ELP4: variants seen among roughly 807,000 people sequenced by gnomAD.
ELP4 encodes the protein elongator complex protein 4.
ELP4 carries 51 observed loss-of-function variants against 48.9 expected under a neutral mutation model. The ratio of observed to expected loss-of-function variants is 1.04; its 90% CI spans 0.83 to 1.32. The LOEUF (loss-of-function observed/expected upper bound fraction) is 1.32. ELP4 is among the 40% of genes most tolerant of loss of function. ELP4 has a pLI of 0.00. For synonymous variants in ELP4, 210 were observed against 189.2 expected, an observed-to-expected ratio of 1.11 and a Z score of -0.90; for missense variants, 519 against 514.6, an observed-to-expected ratio of 1.01 and a Z score of -0.08.
chr11:31,549,883 A>T (rs2133925647), intron 3 of ELP4, among the ~76,000 whole-genome samples: 1 of 152,330 alleles, frequency 6.6e-6, no homozygotes, highest in East Asian at 1.9e-4. Flanking sequence ...AATCTATCGC[A>T]AGAACAAAAA....
chr11:31,544,430 C>T lies in ELP4; in HGVS notation c.381+4647C>T, dbSNP rs371389309. On this transcript the variant is annotated intron_variant, in intron 3 of 9. Transcript: ENST00000640961. Reference sequence around the variant, plus strand: ...AGCAGTCTGAGATCAAACTGCAAGGCGGCAGTGAGGCTGGGGGAGGGGTGC... The same window carrying T: ...AGCAGTCTGAGATCAAACTGCAAGGTGGCAGTGAGGCTGGGGGAGGGGTGC... 1.9e-3 allele frequency among the ~76,000 whole-genome samples: 292 copies of T among 152,192 alleles called. 4 individuals are homozygous for T. The East Asian group carries it at 0.027, about 14-fold the overall frequency.
intron 9 of ELP4, among the ~76,000 whole-genome samples, chr11:31,712,333 A>G (rs1449800261): frequency 6.6e-6 from 1 of 152,108 alleles, no homozygotes; most frequent in Non-Finnish European, 1.5e-5. Flanking sequence ...TGAAATAAAA[A>G]AGAACCTGTG....
At chr11:31,621,451 A>G (rs1271791965) in intron 5 of ELP4, among the ~76,000 whole-genome samples, 5 of 151,902 alleles carry the variant, frequency 3.3e-5, no homozygotes, top group African/African-American at 1.2e-4. Context: ...GTCAGAATGG[A>G]CAACATAGAT....
intron 2 of ELP4, among the ~76,000 whole-genome samples, chr11:31,522,272 A>G: frequency 6.6e-6 from 1 of 152,302 alleles, no homozygotes; most frequent in East Asian, 1.9e-4. Flanking sequence ...TGTTTGGTAT[A>G]AATACATAAA....
rs1215733651 is a variant in ELP4 at position 31,509,817 on chromosome 11, C to T, written c.33C>T (p.Ala11=). The T allele has an allele frequency of 1.2e-6, 2 of 1,614,120 alleles. No homozygotes were observed. Among genetic ancestry groups the T allele is most frequent in the Non-Finnish European group, 1.7e-6 (2 of 1,180,026 alleles). MAAVATCGSV[A]ASTGSAVATA... is the part of the protein sequence containing the mutation. ...CAGTGGCAACCTGCGGTAGTGTTGC[C>T]GCGAGTACTGGGTCTGCAGTGGCGA... Residue 11 remains alanine, a synonymous_variant, in exon 1 of 10, where the codon GCC becomes GCT. Coordinates refer to ENST00000640961, the MANE Select transcript of ELP4 (RefSeq NM_019040.5).
At chr11:31,743,458 C>G (rs1947505632) in intron 9 of ELP4, among the ~76,000 whole-genome samples, 1 of 152,142 alleles carries the variant, frequency 6.6e-6, no homozygotes, top group African/African-American at 2.4e-5. Flanking sequence ...TTTTCAGCAC[C>G]ACACCACACC....
At chr11:31,714,734 C>G (rs1946805759) in intron 9 of ELP4, 1 of 398,590 alleles carries the variant, frequency 2.5e-6, no homozygotes, top group Non-Finnish European at 4.4e-6. Context: ...GCCTGCATTC[C>G]TTGGCTCATG....
intron 9 of ELP4, among the ~76,000 whole-genome samples, chr11:31,665,956 A>G (rs1036953926): frequency 3.7e-4 from 56 of 150,782 alleles, no homozygotes; most frequent in African/African-American, 1.3e-3. Flanking sequence ...TGCCCAGCCT[A>G]ATTCTCTCAC....
chr11:31,611,684 A>G (rs1380253757), intron 5 of ELP4, among the ~76,000 whole-genome samples: 3 of 152,372 alleles, frequency 2.0e-5, no homozygotes, highest in East Asian at 1.9e-4. Context: ...AGCACCTGCT[A>G]TGAGCCCAGC....
intron 9 of ELP4, among the ~76,000 whole-genome samples, chr11:31,686,097 A>G (rs1946154628): frequency 1.3e-5 from 2 of 152,062 alleles, no homozygotes; most frequent in South Asian, 4.1e-4. Context: ...TGTAGGCTTT[A>G]TGACTTAGTC....
chr11:31,605,627 G>A (rs552367882), intron 5 of ELP4, among the ~76,000 whole-genome samples: 2 of 152,028 alleles, frequency 1.3e-5, no homozygotes, highest in South Asian at 4.2e-4. Flanking sequence ...TTACTTTTGT[G>A]ATTTAAAAAA....
chr11:31,601,564 T>C (rs1025774099), intron 4 of ELP4, among the ~76,000 whole-genome samples: 5 of 152,162 alleles, frequency 3.3e-5, no homozygotes, highest in Admixed American at 3.3e-4. Flanking sequence ...ATCTGAGATT[T>C]CTATCACATT....
In ELP4 at chr11:31,788,845, G is replaced by C. The variant is rs1948930303; in HGVS notation, c.*5321G>C. On this transcript the variant is annotated 3_prime_UTR_variant, in exon 10 of 10. Coordinates refer to ENST00000640961, the MANE Select transcript of ELP4 (RefSeq NM_019040.5). ...CATCAGGATGTAAAACAGAGTGTGTGTGAAAGTAACCATTGGTTTAGAATG... is the reference window on the plus strand; with the variant it reads ...CATCAGGATGTAAAACAGAGTGTGTCTGAAAGTAACCATTGGTTTAGAATG... 2 of 204,124 alleles carry C rather than the reference G, an allele frequency of 9.8e-6. No individual in the cohort carries two copies. The highest frequency in any genetic ancestry group is 4.6e-5 in the African/African-American group (2 of 43,788). The allele number at this position is 204,124 out of a possible 1,614,324, so 12.6% of individuals were successfully genotyped here. A position where few individuals can be genotyped will look rare whatever the true frequency, so the allele number is the denominator to read the frequency against.
intron 5 of ELP4, among the ~76,000 whole-genome samples, chr11:31,625,477 A>G (rs558432325): frequency 6.6e-6 from 1 of 151,966 alleles, no homozygotes; most frequent in East Asian, 1.9e-4. Context: ...TTTAACCTTC[A>G]AACAGAAATC....
intron 9 of ELP4, among the ~76,000 whole-genome samples, chr11:31,737,462 G>T (rs1331779110): frequency 6.6e-6 from 1 of 151,434 alleles, no homozygotes; most frequent in Non-Finnish European, 1.5e-5. Flanking sequence ...AAAACTTAAA[G>T]TATAATAATA....
chr11:31,738,232 C>CAA lies in ELP4; in HGVS notation c.1144-45137_1144-45136dup, dbSNP rs57817538. Among the ~76,000 whole-genome samples, 386 of 53,664 alleles carry CAA rather than the reference C, an allele frequency of 7.2e-3. 5 individuals are homozygous for CAA. The highest frequency in any genetic ancestry group is 0.025 in the African/African-American group (335 of 13,592). The allele number at this position is 53,664 out of a possible 152,430, so 35.2% of individuals were successfully genotyped here. Reference sequence around the variant, plus strand: ...CAACATGGCAAAACCCCATCTCTACCAAAAAAAAAAAAAAAAAAAAAAAAA... The same window carrying CAA: ...CAACATGGCAAAACCCCATCTCTACCAAAAAAAAAAAAAAAAAAAAAAAAAAA... On this transcript the variant is annotated intron_variant, in intron 9 of 9. Transcript: ENST00000640961.
intron 9 of ELP4, among the ~76,000 whole-genome samples, chr11:31,696,360 A>G (rs1401395330): frequency 2.6e-5 from 4 of 152,100 alleles, no homozygotes; most frequent in Non-Finnish European, 4.4e-5. Context: ...AGATTCTGGT[A>G]TGTTATGTCT....
intron 3 of ELP4, among the ~76,000 whole-genome samples, chr11:31,555,481 A>T (rs769077406): frequency 4.6e-5 from 7 of 151,796 alleles, no homozygotes; most frequent in Non-Finnish European, 1.0e-4. Context: ...AAACTATTTG[A>T]TTTTTTGGTA....
At chr11:31,637,011 T>C (rs145615952) in intron 7 of ELP4, among the ~76,000 whole-genome samples, 1 of 152,016 alleles carries the variant, frequency 6.6e-6, no homozygotes, top group East Asian at 1.9e-4. Flanking sequence ...TAAAAATGTG[T>C]GTGAAAATGG....
Sources: allele counts gnomAD v4.1 joint callset (sites outside exome capture counted in the v4.1 genomes callset), GRCh38; gene constraint gnomAD v4.1.1; transcripts MANE v1.5; gene names NCBI Gene and HGNC (gene_info 2026-07-23, HGNC 2026-07-21).